Variants in SCNN1G observed in about 807,000 individuals in gnomAD.
SCNN1G encodes epithelial sodium channel subunit gamma.
Under a neutral mutation model 64.6 loss-of-function variants are expected in SCNN1G, and 27 were observed. The ratio of observed to expected loss-of-function variants is 0.42; its 90% confidence interval spans 0.31 to 0.58. The LOEUF is 0.58. SCNN1G is among the 20% of genes least tolerant of loss of function. The pLI, the probability that SCNN1G is intolerant of heterozygous loss-of-function variation, is 0.18. For missense variants in SCNN1G, 743 were observed against 823.4 expected (o/e 0.90, Z 1.19); for synonymous variants, 330 against 314.2 (o/e 1.05, Z -0.53).
Position 23,215,497 on chromosome 16 carries a change from A to G in SCNN1G, c.*28A>G. On this transcript the variant is annotated 3_prime_UTR_variant, in exon 13 of 13. Coordinates refer to ENST00000300061, the MANE Select transcript of SCNN1G (RefSeq NM_001039.4). Reference sequence around the variant, plus strand: ...CAGGGTTGAGAAGACAGATCTAGTCAGGACCACCAGCCATGGTCTAAGGAC... The same window carrying G: ...CAGGGTTGAGAAGACAGATCTAGTCGGGACCACCAGCCATGGTCTAAGGAC... The G allele has an allele frequency of 1.9e-6, 3 of 1,602,230 alleles. No individual in the cohort carries two copies. The highest frequency in any genetic ancestry group is 2.5e-6 in the Non-Finnish European group (3 of 1,179,868).
At chr16:23,193,209 C>T (rs911678870) in intron 4 of SCNN1G, among the ~76,000 whole-genome samples, 1 of 151,716 alleles carries the variant, frequency 6.6e-6, no homozygotes, top group African/African-American at 2.4e-5. Context: ...GACTAAGAAC[C>T]ATCGTTCTAA....
intron 2 of SCNN1G, among the ~76,000 whole-genome samples, chr16:23,187,057 C>G (rs149856489): frequency 0.012 from 1,794 of 151,798 alleles, 23 homozygotes; most frequent in Non-Finnish European, 0.015. Flanking sequence ...CCGCCTTGGC[C>G]TCCCAAAGTG....
At chr16:23,194,052 G>A (rs1437503103) in intron 4 of SCNN1G, 119 bp from the exon 5 acceptor site, 12 of 750,174 alleles carry the variant, frequency 1.6e-5, no homozygotes, top group South Asian at 1.1e-4. Flanking sequence ...TGGGGAAAAT[G>A]AGTCACATCT....
chr16:23,189,632 C>T lies in SCNN1G; in HGVS notation c.579C>T (p.Val193=). ...GGSIIHKASN[V]MHIESKQVVG... Reference sequence around the variant, plus strand: ...GCATCATTCACAAGGCTTCAAATGTCATGCACATCGAGTCCAAGCAAGTGG... The same window carrying T: ...GCATCATTCACAAGGCTTCAAATGTTATGCACATCGAGTCCAAGCAAGTGG... Residue 193 remains valine, a synonymous_variant, in exon 3 of 13, where the codon GTC becomes GTT. Coordinates refer to ENST00000300061, the MANE Select transcript of SCNN1G (RefSeq NM_001039.4). The T allele has an allele frequency of 6.2e-7, 1 of 1,614,214 alleles. No homozygotes were observed. Among genetic ancestry groups the T allele is most frequent in the Non-Finnish European group, 8.5e-7 (1 of 1,180,032 alleles).
At chr16:23,209,646 C>A in intron 6 of SCNN1G, 104 bp from the exon 7 acceptor site, 3 of 828,028 alleles carry the variant, frequency 3.6e-6, no homozygotes, top group African/African-American at 3.3e-5. Flanking sequence ...AGCTTCTCAG[C>A]TCCCAAGGGC....
In SCNN1G at chr16:23,215,079, T is replaced by G; in HGVS notation, c.1570-10T>G. 6.2e-7 allele frequency: 1 copy of G among 1,613,946 alleles called. No individual in the cohort carries two copies. The highest frequency in any genetic ancestry group is 8.5e-7 in the Non-Finnish European group (1 of 1,179,994). Reference sequence around the variant, plus strand: ...TTCCTCTTGATGGTGTGGCTTGGCCTGTCTTGCAGATTGAGATGCTTCTGT... The same window carrying G: ...TTCCTCTTGATGGTGTGGCTTGGCCGGTCTTGCAGATTGAGATGCTTCTGT... On this transcript the variant is annotated splice_polypyrimidine_tract_variant and intron_variant, in intron 12 of 12. Transcript: ENST00000300061.
intron 2 of SCNN1G, among the ~76,000 whole-genome samples, chr16:23,187,246 C>G (rs953382934): frequency 2.0e-5 from 3 of 151,854 alleles, no homozygotes; most frequent in Non-Finnish European, 4.4e-5. Flanking sequence ...GTAGCTGGGA[C>G]TATAGGCACA....
chr16:23,211,602 G>A (rs1960079793), intron 7 of SCNN1G, among the ~76,000 whole-genome samples: 1 of 152,180 alleles, frequency 6.6e-6, no homozygotes, highest in Non-Finnish European at 1.5e-5. Context: ...TTGAGGTCAG[G>A]AGTTTGAGAC....
Position 23,186,427 on chromosome 16 carries a change from C to A in SCNN1G, c.156C>A (p.Arg52=), listed in dbSNP as rs1197003015. 1.9e-6 allele frequency: 3 copies of A among 1,614,230 alleles called. No homozygotes were observed. The East Asian group carries it at 6.7e-5, about 36-fold the overall frequency. The change falls in exon 2 of 13, where the codon CGC becomes CGA. Residue 52 remains arginine, a synonymous_variant. Transcript: ENST00000300061. ...RRIVVSRGRL[R]RLLWIGFTLT... is the part of the protein sequence containing the mutation. ...TCGTGGTGTCCCGCGGCCGTCTGCG[C>A]CGCCTCCTCTGGATCGGGTTCACAC...
At chr16:23,187,578 C>T (rs1364711958) in intron 2 of SCNN1G, among the ~76,000 whole-genome samples, 1 of 152,202 alleles carries the variant, frequency 6.6e-6, no homozygotes, top group Admixed American at 6.5e-5. Flanking sequence ...GCTCTCCGAG[C>T]TCACATGTTC....
chr16:23,187,573 C>A lies in SCNN1G; in HGVS notation c.317+985C>A, dbSNP rs544580582. ...CATCTGCATCTGCACCCCTGGCTCT[C>A]CGAGCTCACATGTTCACTCTGCCTG... On this transcript the variant is annotated intron_variant, in intron 2 of 12. Coordinates refer to ENST00000300061, the MANE Select transcript of SCNN1G (RefSeq NM_001039.4). Among the ~76,000 whole-genome samples the A allele has an allele frequency of 5.2e-3, 787 of 152,312 alleles. 4 individuals carry two copies. The highest frequency in any genetic ancestry group is 0.031 in the Middle Eastern group (9 of 294).
rs13306654 is a variant in SCNN1G, at chr16:23,213,196, T to G, written c.1493+33T>G. On this transcript the variant is annotated intron_variant, in intron 11 of 12. Coordinates refer to ENST00000300061, the MANE Select transcript of SCNN1G (RefSeq NM_001039.4). ...ACCTCTACCCTGTTCCTCTGTCTCT[T>G]CCCACCACAGCCCCCAGCCTTCTCA... 308,154 of 1,505,068 alleles carry G rather than the reference T, an allele frequency of 0.2. 33,360 individuals are homozygous for G. Among genetic ancestry groups the G allele is most frequent in the African/African-American group, 0.25 (17,743 of 71,188 alleles). The allele number at this position is 1,505,068 out of a possible 1,614,324, so 93.2% of individuals were successfully genotyped here.
intron 6 of SCNN1G, among the ~76,000 whole-genome samples, chr16:23,209,156 C>G (rs1295479442): frequency 6.6e-6 from 1 of 152,140 alleles, no homozygotes; most frequent in East Asian, 1.9e-4. Context: ...AAGATAGAGT[C>G]TCACTCTGTT....
chr16:23,210,095 C>T (rs1223521376), intron 7 of SCNN1G, among the ~76,000 whole-genome samples: 1 of 152,196 alleles, frequency 6.6e-6, no homozygotes, highest in African/African-American at 2.4e-5. Flanking sequence ...GGCCCACCTC[C>T]TAAGTAGGCC....
chr16:23,192,372 C>G lies in SCNN1G; in HGVS notation c.639C>G (p.Asp213Glu). 1 of 1,614,156 alleles carries G rather than the reference C, an allele frequency of 6.2e-7. No homozygotes were observed. The highest frequency in any genetic ancestry group is 8.5e-7 in the Non-Finnish European group (1 of 1,179,992). Reference protein sequence around the residue: ...GFQLCSNDTSDCATYTFSSGI... With the variant: ...GFQLCSNDTSECATYTFSSGI... ...CACAGTGCTCAAATGACACCTCCGA[C>G]TGTGCCACCTACACCTTCAGCTCGG... The change falls in exon 4 of 13, where the codon GAC becomes GAG. Residue 213 changes from aspartate to glutamate, a missense_variant. By Grantham distance (45) the Asp-to-Glu change is conservative (BLOSUM62 2). Transcript: ENST00000300061.
intron 6 of SCNN1G, 67 bp downstream of exon 6, chr16:23,197,494 A>T: frequency 1.4e-6 from 2 of 1,403,466 alleles, no homozygotes; most frequent in Non-Finnish European, 2.0e-6. Context: ...AGGATAACCA[A>T]TGGGGTGCAG....
intron 8 of SCNN1G, among the ~76,000 whole-genome samples, 157 bp from the exon 9 acceptor site, chr16:23,212,521 C>G (rs1479893884): frequency 6.6e-6 from 1 of 152,216 alleles, no homozygotes; most frequent in Non-Finnish European, 1.5e-5. Context: ...TTCTGTTTCC[C>G]AACATCACAA....
At chr16:23,192,189 A>G (rs1959719555) in intron 3 of SCNN1G, among the ~76,000 whole-genome samples, 163 bp from the exon 4 acceptor site, 1 of 151,664 alleles carries the variant, frequency 6.6e-6, no homozygotes, top group South Asian at 2.1e-4. Context: ...GAGGATGATC[A>G]CTCCCAACCC....
intron 6 of SCNN1G, among the ~76,000 whole-genome samples, chr16:23,202,017 A>T (rs1009812562): frequency 6.6e-6 from 1 of 152,066 alleles, no homozygotes; most frequent in Non-Finnish European, 1.5e-5. Flanking sequence ...GGGTCTCGCT[A>T]TGTTGCTCAG....
Sources: allele counts gnomAD v4.1 joint callset (sites outside exome capture counted in the v4.1 genomes callset), GRCh38; gene constraint gnomAD v4.1.1; transcripts MANE v1.5; gene names NCBI Gene and HGNC (gene_info 2026-07-23, HGNC 2026-07-21).